Variants in PDE1C observed in about 807,000 individuals in gnomAD.
The protein encoded by PDE1C is dual specificity calcium/calmodulin-dependent 3',5'-cyclic nucleotide phosphodiesterase 1C.
Under a neutral mutation model 93.1 loss-of-function variants are expected in PDE1C, and 62 were observed. The ratio of observed to expected loss-of-function variants is 0.67; its 90% CI spans 0.54 to 0.82. The LOEUF (loss-of-function observed/expected upper bound fraction) is 0.82, where lower values mean the gene tolerates loss of function less well. Among genes scored for constraint, PDE1C ranks in the 40% least tolerant of loss-of-function variants. PDE1C has a pLI of 0.00. For missense variants in PDE1C, 742 were observed against 884.6 expected (o/e 0.84, Z 2.04); for synonymous variants, 325 against 310.1 (o/e 1.05, Z -0.50).
At chr7:31,895,337 A>T (rs1799144433) in intron 2 of PDE1C, among the ~76,000 whole-genome samples, 1 of 152,146 alleles carries the variant, frequency 6.6e-6, no homozygotes, top group South Asian at 2.1e-4. Flanking sequence ...AGGCAGTCCC[A>T]GACATTAGCT....
At chr7:31,830,242 T>C (rs1790214127) in intron 11 of PDE1C, among the ~76,000 whole-genome samples, 1 of 152,106 alleles carries the variant, frequency 6.6e-6, no homozygotes, top group African/African-American at 2.4e-5. Context: ...AATAAACTTC[T>C]ACTCATGAGT....
intron 2 of PDE1C, among the ~76,000 whole-genome samples, chr7:32,013,411 T>A (rs967120940): frequency 3.3e-5 from 5 of 152,182 alleles, no homozygotes; most frequent in African/African-American, 1.2e-4. Flanking sequence ...TTGCCAGCAG[T>A]TTTGCCACAA....
chr7:31,866,892 C>A (rs1335711643), intron 6 of PDE1C, among the ~76,000 whole-genome samples: 1 of 151,982 alleles, frequency 6.6e-6, no homozygotes, highest in African/African-American at 2.4e-5. Context: ...CCTGGCAGAC[C>A]CTGAGACTAA....
At chr7:31,720,469 C>CATTGTGTGGGTAATGTATGGGTTTTA in the PDE1C span, among the ~76,000 whole-genome samples, 1 of 152,176 alleles carries the variant, frequency 6.6e-6, no homozygotes, top group South Asian at 2.1e-4. Context: ...TGAGGGTTTT[C>CATTGTGTGGGTAATGTATGGGTTTTA]ATTGTGTGGG....
At chr7:32,099,543 G>C (rs1224573242) in intron 3 of PDE1C, among the ~76,000 whole-genome samples, 4 of 152,088 alleles carry the variant, frequency 2.6e-5, no homozygotes, top group Admixed American at 2.6e-4. Context: ...ACAAGTCCTT[G>C]TACATTATAC....
chr7:32,263,963 T>C (rs1810398890), intron 1 of PDE1C, among the ~76,000 whole-genome samples: 1 of 152,188 alleles, frequency 6.6e-6, no homozygotes, highest in African/African-American at 2.4e-5. Context: ...AGATTTTTCC[T>C]CAATATTTCA....
At chr7:32,305,496 CTT>C (rs1423570144) in intron 1 of PDE1C, among the ~76,000 whole-genome samples, 1 of 152,180 alleles carries the variant, frequency 6.6e-6, no homozygotes, top group Non-Finnish European at 1.5e-5. Flanking sequence ...GTATAGTGAT[CTT>C]TTTTTCTTCA....
the PDE1C span, among the ~76,000 whole-genome samples, chr7:31,671,251 G>T: frequency 2.0e-5 from 3 of 152,122 alleles, no homozygotes. Flanking sequence ...GGACTTCAGG[G>T]GTTGCAGGCA....
chr7:32,310,336 G>A (rs144103603), intron 1 of PDE1C, among the ~76,000 whole-genome samples: 19 of 151,962 alleles, frequency 1.3e-4, no homozygotes, highest in Admixed American at 7.9e-4. Context: ...ACATTAGACC[G>A]ATCAATGAGA....
intron 3 of PDE1C, among the ~76,000 whole-genome samples, chr7:31,879,553 A>G (rs1318598465): frequency 1.3e-5 from 2 of 152,236 alleles, no homozygotes; most frequent in Admixed American, 6.5e-5. Context: ...GTTTAAAAAT[A>G]TAAATGGATA....
intron 1 of PDE1C, among the ~76,000 whole-genome samples, chr7:32,296,617 C>T (rs1812617365): frequency 6.6e-6 from 1 of 152,106 alleles, no homozygotes; most frequent in Non-Finnish European, 1.5e-5. Flanking sequence ...ATCTGCTAGA[C>T]CAACTCTTCT....
chr7:32,213,635 T>G (rs1285726242), intron 1 of PDE1C, among the ~76,000 whole-genome samples: 1 of 152,224 alleles, frequency 6.6e-6, no homozygotes, highest in Non-Finnish European at 1.5e-5. Context: ...CAAACACTGC[T>G]GCTTGCCTTG....
At chr7:32,280,601 G>A (rs1811565841) in intron 1 of PDE1C, among the ~76,000 whole-genome samples, 1 of 152,106 alleles carries the variant, frequency 6.6e-6, no homozygotes, top group Non-Finnish European at 1.5e-5. Flanking sequence ...AATTGATTTA[G>A]AATTGGACCA....
chr7:31,623,690 G>C, the PDE1C span, among the ~76,000 whole-genome samples: 1 of 120,340 alleles, frequency 8.3e-6, no homozygotes, highest in African/African-American at 2.9e-5. Flanking sequence ...TTTGAAAACT[G>C]GCACAAGACA....
intron 2 of PDE1C, among the ~76,000 whole-genome samples, chr7:31,925,051 G>C (rs988065051): frequency 4.0e-5 from 4 of 100,052 alleles, no homozygotes; most frequent in African/African-American, 4.9e-5. Flanking sequence ...GTGTGTGTGT[G>C]TGTGTGTGTG....
chr7:31,735,811 T>C, the PDE1C span, among the ~76,000 whole-genome samples: 1 of 152,154 alleles, frequency 6.6e-6, no homozygotes, highest in African/African-American at 2.4e-5. Flanking sequence ...GTGGCGAAAT[T>C]GTATATACGG....
At chr7:32,036,497 A>G (rs1226659312) in intron 2 of PDE1C, among the ~76,000 whole-genome samples, 1 of 152,194 alleles carries the variant, frequency 6.6e-6, no homozygotes, top group Non-Finnish European at 1.5e-5. Flanking sequence ...ACAATAAAAC[A>G]TAACACAATC....
intron 3 of PDE1C, among the ~76,000 whole-genome samples, chr7:32,085,800 A>G (rs1345804819): frequency 1.3e-5 from 2 of 151,650 alleles, no homozygotes; most frequent in East Asian, 1.9e-4. Context: ...ACAAAATTCA[A>G]CAACATTTCA....
intron 1 of PDE1C, among the ~76,000 whole-genome samples, chr7:32,376,617 T>C (rs897359984): frequency 6.6e-6 from 1 of 152,192 alleles, no homozygotes; most frequent in Non-Finnish European, 1.5e-5. Context: ...GCAGCTAATC[T>C]AACGGACTAA....
Sources: gnomAD v4.1 joint callset for allele counts (sites outside exome capture counted in the v4.1 genomes callset) on GRCh38, gnomAD v4.1.1 for gene constraint, MANE v1.5 for transcripts, NCBI Gene and HGNC (gene_info 2026-07-23, HGNC 2026-07-21) for gene names.